RGS5: variants seen among roughly 807,000 people sequenced by gnomAD.
The protein encoded by RGS5 is regulator of G protein signaling 5.
In RGS5, 20 loss-of-function variants were observed where a neutral mutation model predicts 18.9. The observed-to-expected ratio is 1.06, with a 90% CI of 0.74 to 1.54. The LOEUF (loss-of-function observed/expected upper bound fraction) is 1.54, where lower values mean the gene tolerates loss of function less well. Among genes scored for constraint, RGS5 ranks in the 40% most tolerant of loss-of-function variants. The probability of loss-of-function intolerance (pLI) is 0.00; values close to 1 mark genes in which losing one functional copy is unlikely to be tolerated. For missense variants in RGS5, 201 were observed against 211.8 expected (o/e 0.95, Z 0.32); for synonymous variants, 57 against 76.2 (o/e 0.75, Z 1.31).
intron 4 of RGS5, among the ~76,000 whole-genome samples, chr1:163,151,478 T>C (rs944126561): frequency 2.6e-5 from 4 of 152,232 alleles, no homozygotes; most frequent in Non-Finnish European, 5.9e-5. Flanking sequence ...AGTTTGGCTC[T>C]GTGTCCCCAC....
At chr1:163,316,583 CA>C (rs11365345) in intron 1 of RGS5, among the ~76,000 whole-genome samples, 91,867 of 143,716 alleles carry the variant, frequency 0.64, 28,749 homozygotes, top group Non-Finnish European at 0.68. Context: ...GACCCTATCT[CA>C]AAAAAAAAAA....
At chr1:163,235,417 A>G (rs1418795994) in intron 2 of RGS5, among the ~76,000 whole-genome samples, 1 of 152,228 alleles carries the variant, frequency 6.6e-6, no homozygotes, top group Non-Finnish European at 1.5e-5. Context: ...AAGGACAAGA[A>G]AATCATGGAA....
rs532698783 is a variant in RGS5, at chr1:163,262,151, C to CTTTTTTTTTTTT, written c.-281+44070_-281+44081dup. 5.8e-3 allele frequency among the ~76,000 whole-genome samples: 700 copies of CTTTTTTTTTTTT among 120,790 alleles called. 7 individuals carry two copies. The highest frequency in any genetic ancestry group is 0.017 in the African/African-American group (543 of 31,770). 79.2% of individuals were successfully genotyped at this position (120,790 alleles called of 152,430 possible). A position where few individuals can be genotyped will look rare whatever the true frequency, so the allele number is the denominator to read the frequency against. On this transcript the variant is annotated intron_variant, in intron 2 of 5. Transcript: ENST00000618415. ...GAGCTGATCACACTGAGTTTTGAAA[C>CTTTTTTTTTTTT]TTTTTTTTTTTTTTTTTTATTATAC...
chr1:163,279,763 C>G (rs1348847835), intron 2 of RGS5, among the ~76,000 whole-genome samples: 2 of 151,518 alleles, frequency 1.3e-5, no homozygotes, highest in East Asian at 3.9e-4. Flanking sequence ...ATTGACAAAC[C>G]ATTAGCTTGA....
At chr1:163,281,881 A>C (rs748392942) in intron 2 of RGS5, among the ~76,000 whole-genome samples, 14 of 152,186 alleles carry the variant, frequency 9.2e-5, no homozygotes, top group Non-Finnish European at 1.3e-4. Flanking sequence ...TAAGAATGAA[A>C]CTAGACCCCT....
chr1:163,247,986 G>A (rs1196311695), intron 2 of RGS5, among the ~76,000 whole-genome samples: 1 of 152,068 alleles, frequency 6.6e-6, no homozygotes, highest in Non-Finnish European at 1.5e-5. Context: ...CCTTGACTCT[G>A]TTTCTCCCGT....
At chr1:163,157,548 T>C (rs529306803) in intron 3 of RGS5, among the ~76,000 whole-genome samples, 1 of 152,308 alleles carries the variant, frequency 6.6e-6, no homozygotes, top group Admixed American at 6.5e-5. Flanking sequence ...TCAATAAAAA[T>C]TAAAGATATG....
Position 163,199,145 on chromosome 1 carries a change from G to A in RGS5, c.44+3647C>T, listed in dbSNP as rs573952533. ...GGTAAAAATAAGGTATTAAATTGAC[G>A]CGACTCTTTTCTTTTTCATTGACAG... On this transcript the variant is annotated intron_variant, in intron 1 of 4. Coordinates refer to ENST00000313961, the MANE Select transcript of RGS5 (RefSeq NM_003617.4). Among the ~76,000 whole-genome samples, 3 of 152,168 alleles carry A rather than the reference G, an allele frequency of 2.0e-5. No individual in the cohort carries two copies. In the East Asian group the frequency reaches 5.8e-4, roughly 29 times the overall value.
chr1:163,211,272 G>A (rs1461882583), intron 1 of RGS5: 2 of 152,100 alleles, frequency 1.3e-5, no homozygotes, highest in African/African-American at 4.8e-5. Flanking sequence ...GGAGCCATAA[G>A]GTTAATTATG....
chr1:163,174,350 A>G (rs1658446603), intron 1 of RGS5, among the ~76,000 whole-genome samples: 1 of 152,232 alleles, frequency 6.6e-6, no homozygotes. Context: ...TTCAGCACTT[A>G]GCACAGGGCC....
chr1:163,196,374 A>G (rs1659565227), intron 1 of RGS5, among the ~76,000 whole-genome samples: 1 of 151,858 alleles, frequency 6.6e-6, no homozygotes, highest in Admixed American at 6.6e-5. Flanking sequence ...ACATAAATAA[A>G]CTCTCTCCCT....
At chr1:163,252,163 A>G (rs1311586379) in intron 2 of RGS5, among the ~76,000 whole-genome samples, 2 of 151,998 alleles carry the variant, frequency 1.3e-5, no homozygotes, top group Non-Finnish European at 2.9e-5. Flanking sequence ...CCTTCCCAAC[A>G]CTTGGTATTG....
At chr1:163,307,443 G>A (rs1172068290) in intron 1 of RGS5, among the ~76,000 whole-genome samples, 2 of 151,996 alleles carry the variant, frequency 1.3e-5, no homozygotes, top group African/African-American at 4.8e-5. Context: ...ATCAAATCAT[G>A]TAGAAAAAGT....
chr1:163,195,620 T>G (rs1159082407), intron 1 of RGS5, among the ~76,000 whole-genome samples: 1 of 151,780 alleles, frequency 6.6e-6, no homozygotes. Flanking sequence ...ATTGAAAAAA[T>G]TATGGATAAA....
At chr1:163,158,234 G>T (rs1053623834) in intron 3 of RGS5, among the ~76,000 whole-genome samples, 8 of 152,112 alleles carry the variant, frequency 5.3e-5, no homozygotes, top group African/African-American at 1.7e-4. Context: ...AATTATCTGG[G>T]CAAGCCTGGC....
At chr1:163,305,851 A>G (rs1326370387) in intron 2 of RGS5, among the ~76,000 whole-genome samples, 1 of 152,174 alleles carries the variant, frequency 6.6e-6, no homozygotes, top group African/African-American at 2.4e-5. Flanking sequence ...TAGGGTCACT[A>G]GTCCTCAGCT....
chr1:163,235,302 T>C (rs895481887), intron 2 of RGS5, among the ~76,000 whole-genome samples: 1 of 152,206 alleles, frequency 6.6e-6, no homozygotes, highest in African/African-American at 2.4e-5. Context: ...CCGCTTAAGC[T>C]AGACACCTCT....
chr1:163,161,191 T>G (rs971348933), intron 3 of RGS5, among the ~76,000 whole-genome samples: 6 of 152,210 alleles, frequency 3.9e-5, no homozygotes, highest in Admixed American at 1.3e-4. Flanking sequence ...GTAGAAATCC[T>G]ATATGGAACA....
intron 2 of RGS5, among the ~76,000 whole-genome samples, chr1:163,263,739 A>G (rs1374044502): frequency 6.6e-6 from 1 of 151,990 alleles, no homozygotes; most frequent in Non-Finnish European, 1.5e-5. Flanking sequence ...GTGTTTTCGG[A>G]ATATTTTGTT....
Sources: allele counts gnomAD v4.1 joint callset (sites outside exome capture counted in the v4.1 genomes callset), GRCh38; gene constraint gnomAD v4.1.1; transcripts MANE v1.5; gene names NCBI Gene and HGNC (gene_info 2026-07-23, HGNC 2026-07-21).